The following BRINP2 variants were observed in gnomAD, a reference collection of about 807,000 sequenced individuals.
The protein encoded by BRINP2 is BMP/retinoic acid inducible neural specific 2.
Under a neutral mutation model 69.2 loss-of-function variants are expected in BRINP2, and 21 were observed. That is an observed-to-expected ratio of 0.30 (90% confidence interval 0.22 to 0.44). The LOEUF is 0.44. Ranked by LOEUF, BRINP2 falls within the 20% of genes least tolerant of loss-of-function variation. The pLI is 1.00. For synonymous variants in BRINP2, 380 were observed against 394.1 expected (o/e 0.96, Z 0.42); for missense variants, 877 against 986.0 (o/e 0.89, Z 1.48).
At chr1:177,220,056 G>T (rs986004493) in intron 1 of BRINP2, among the ~76,000 whole-genome samples, 2 of 152,228 alleles carry the variant, frequency 1.3e-5, no homozygotes, top group African/African-American at 4.8e-5. Context: ...ATGCCCAGGG[G>T]CAGGGCCAAA....
At chr1:177,278,949 T>C (rs1190480617) in intron 7 of BRINP2, among the ~76,000 whole-genome samples, 164 bp downstream of exon 7, 1 of 152,204 alleles carries the variant, frequency 6.6e-6, no homozygotes, top group Non-Finnish European at 1.5e-5. Flanking sequence ...CAGCTGTGAG[T>C]TGCGTCTGAA....
intron 1 of BRINP2, among the ~76,000 whole-genome samples, chr1:177,204,262 A>G (rs1649003508): frequency 6.6e-6 from 1 of 152,172 alleles, no homozygotes; most frequent in Non-Finnish European, 1.5e-5. Context: ...TCAGTTAGGT[A>G]GAACACAAAT....
intron 5 of BRINP2, among the ~76,000 whole-genome samples, chr1:177,274,798 G>C (rs1001607248): frequency 6.6e-6 from 1 of 152,044 alleles, no homozygotes; most frequent in African/African-American, 2.4e-5. Context: ...GTGTGTGAGG[G>C]GAACCACTCA....
intron 6 of BRINP2, among the ~76,000 whole-genome samples, chr1:177,276,685 A>G (rs929811428): frequency 7.9e-5 from 12 of 152,220 alleles, no homozygotes; most frequent in African/African-American, 2.9e-4. Context: ...AAAGATAAAC[A>G]TAATTAAGGG....
intron 2 of BRINP2, among the ~76,000 whole-genome samples, chr1:177,241,354 T>C (rs905919903): frequency 6.6e-6 from 1 of 152,192 alleles, no homozygotes; most frequent in Non-Finnish European, 1.5e-5. Context: ...TCCCATAACC[T>C]TCCCTTATTG....
intron 1 of BRINP2, among the ~76,000 whole-genome samples, chr1:177,218,972 T>C (rs1217317928): frequency 2.0e-5 from 3 of 152,160 alleles, no homozygotes; most frequent in African/African-American, 7.2e-5. Flanking sequence ...ATCTAATCTA[T>C]TATTAAATAG....
chr1:177,193,840 TAGG>T (rs1038488022), intron 1 of BRINP2, among the ~76,000 whole-genome samples: 1 of 152,166 alleles, frequency 6.6e-6, no homozygotes, highest in Admixed American at 6.5e-5. Flanking sequence ...CTATTGGTGT[TAGG>T]AGGAGACCCA....
At chr1:177,223,632 G>A (rs969752375) in intron 1 of BRINP2, among the ~76,000 whole-genome samples, 1 of 152,094 alleles carries the variant, frequency 6.6e-6, no homozygotes, top group Non-Finnish European at 1.5e-5. Context: ...GGCTCTCTTG[G>A]CCTCCTCTGT....
intron 1 of BRINP2, among the ~76,000 whole-genome samples, chr1:177,195,981 C>T (rs1648734212): frequency 6.6e-6 from 1 of 152,150 alleles, no homozygotes; most frequent in Non-Finnish European, 1.5e-5. Context: ...ATACCTTCCT[C>T]CCTGGGTTAT....
At chr1:177,250,409 C>T (rs12752137) in intron 2 of BRINP2, among the ~76,000 whole-genome samples, 28,784 of 152,182 alleles carry the variant, frequency 0.19, 3,092 homozygotes, top group Non-Finnish European at 0.24. Context: ...TCACTCCAAC[C>T]TCCACCTCCC....
chr1:177,203,757 A>G (rs369521551), intron 1 of BRINP2, among the ~76,000 whole-genome samples: 3 of 152,188 alleles, frequency 2.0e-5, no homozygotes, highest in East Asian at 1.9e-4. Context: ...AAGAAATAAT[A>G]TGCAGCCTTT....
In BRINP2 at chr1:177,197,693, C is replaced by T. The variant is rs187973313; in HGVS notation, c.-77+25961C>T. On this transcript the variant is annotated intron_variant, in intron 1 of 7. Coordinates refer to ENST00000361539, the MANE Select transcript of BRINP2 (RefSeq NM_021165.4). ...TGGTATTGTGTTATGGCACCCAAGCCGACCAAGATGCATACCCACCAAAAA... is the reference window on the plus strand; with the variant it reads ...TGGTATTGTGTTATGGCACCCAAGCTGACCAAGATGCATACCCACCAAAAA... 4.0e-4 allele frequency among the ~76,000 whole-genome samples: 61 copies of T among 152,092 alleles called. 2 individuals carry two copies. The highest frequency in any genetic ancestry group is 1.4e-3 in the African/African-American group (57 of 41,472).
chr1:177,183,296 G>A (rs1571884273), intron 1 of BRINP2, among the ~76,000 whole-genome samples: 1 of 150,556 alleles, frequency 6.6e-6, no homozygotes, highest in Non-Finnish European at 1.5e-5. Flanking sequence ...TTGTTTTTGT[G>A]ATATATGGTT....
In BRINP2 at chr1:177,281,686, G is replaced by C; in HGVS notation, c.*158G>C. 1.1e-6 allele frequency: 1 copy of C among 944,514 alleles called. No homozygotes were observed. The highest frequency in any genetic ancestry group is 1.6e-6 in the Non-Finnish European group (1 of 640,740). 58.5% of individuals were successfully genotyped at this position (944,514 alleles called of 1,614,324 possible). A position where few individuals can be genotyped will look rare whatever the true frequency, so the allele number is the denominator to read the frequency against. On this transcript the variant is annotated 3_prime_UTR_variant, in exon 8 of 8. Transcript: ENST00000361539. ...GAGGCTCGAGCTGAAGCAGGCGAGA[G>C]AGAAACAGCTACTGCGTGCGTGCGC...
intron 2 of BRINP2, 126 bp from the exon 3 acceptor site, chr1:177,255,793 G>T: frequency 1.0e-6 from 1 of 978,254 alleles, no homozygotes; most frequent in Non-Finnish European, 1.5e-6. Context: ...ACCTCCAGCT[G>T]AGGGGATGTG....
intron 4 of BRINP2, among the ~76,000 whole-genome samples, chr1:177,269,145 A>ATG (rs1247425409): frequency 1.3e-5 from 2 of 152,132 alleles, no homozygotes. Context: ...CCAAAGGGAG[A>ATG]GTATACCTGA....
At chr1:177,244,031 T>C (rs947565060) in intron 2 of BRINP2, among the ~76,000 whole-genome samples, 4 of 152,092 alleles carry the variant, frequency 2.6e-5, no homozygotes, top group African/African-American at 9.7e-5. Context: ...GGAAACATCT[T>C]TGGAAACAAC....
At chr1:177,235,363 G>A (rs574423200) in intron 2 of BRINP2, among the ~76,000 whole-genome samples, 2 of 152,170 alleles carry the variant, frequency 1.3e-5, no homozygotes, top group African/African-American at 2.4e-5. Flanking sequence ...TTGCAGCAGC[G>A]AGACTATTTA....
chr1:177,266,450 C>T lies in BRINP2; in HGVS notation c.670-7038C>T, dbSNP rs548149893. Among the ~76,000 whole-genome samples the T allele has an allele frequency of 3.3e-5, 5 of 152,126 alleles. No individual in the cohort carries two copies. The East Asian group carries it at 7.8e-4, about 24-fold the overall frequency. On this transcript the variant is annotated intron_variant, in intron 4 of 7. Transcript: ENST00000361539. Reference sequence around the variant, plus strand: ...TTCACCTGAATGGCTCCCCCTCACCCTTTGCTCAGCTTAAAAAGGTAACTT... The same window carrying T: ...TTCACCTGAATGGCTCCCCCTCACCTTTTGCTCAGCTTAAAAAGGTAACTT...
Sources: gnomAD v4.1 joint callset for allele counts (sites outside exome capture counted in the v4.1 genomes callset) on GRCh38, gnomAD v4.1.1 for gene constraint, MANE v1.5 for transcripts, NCBI Gene and HGNC (gene_info 2026-07-23, HGNC 2026-07-21) for gene names.